PIKFYVE: variants seen among roughly 807,000 people sequenced by gnomAD.
PIKFYVE encodes the protein phosphoinositide kinase, FYVE-type zinc finger containing.
Under a neutral mutation model 257.9 loss-of-function variants are expected in PIKFYVE, and 122 were observed. The observed-to-expected ratio is 0.47, with a 90% CI of 0.41 to 0.55. The LOEUF (loss-of-function observed/expected upper bound fraction) is 0.55, where lower values mean the gene tolerates loss of function less well. Ranked by LOEUF, PIKFYVE falls within the 20% of genes least tolerant of loss-of-function variation. The pLI is 0.00. For synonymous variants in PIKFYVE, 892 were observed against 868.9 expected (o/e 1.03, Z -0.47); for missense variants, 2,160 against 2,536.6 (o/e 0.85, Z 3.19).
chr2:208,339,892 C>A, intron 30 of PIKFYVE, 119 bp from the exon 31 acceptor site: 1 of 1,189,338 alleles, frequency 8.4e-7, no homozygotes, highest in Non-Finnish European at 1.2e-6. Context: ...AAATTTTAAA[C>A]TGTTATTGGT....
chr2:208,326,549 C>T, intron 20 of PIKFYVE, 120 bp downstream of exon 20: 2 of 1,111,398 alleles, frequency 1.8e-6, no homozygotes, highest in East Asian at 2.5e-5. Flanking sequence ...TATTTCTTCT[C>T]CTATGCTATT....
chr2:208,332,019 T>A (rs1370166461), intron 23 of PIKFYVE, among the ~76,000 whole-genome samples: 1 of 152,208 alleles, frequency 6.6e-6, no homozygotes, highest in Non-Finnish European at 1.5e-5. Context: ...CTTCTGCTTT[T>A]TTATGCTAGA....
At chr2:208,354,484 A>G (rs1374965719) in intron 40 of PIKFYVE, 87 bp from the exon 41 acceptor site, 4 of 1,186,652 alleles carry the variant, frequency 3.4e-6, no homozygotes, top group South Asian at 1.2e-5. Context: ...ACTGTCATAG[A>G]AGTAGTAGTA....
intron 5 of PIKFYVE, among the ~76,000 whole-genome samples, chr2:208,281,480 C>G (rs1690802411): frequency 6.7e-6 from 1 of 149,696 alleles, no homozygotes; most frequent in Non-Finnish European, 1.5e-5. Flanking sequence ...TTGGAAAAAT[C>G]ATGTAGTTCT....
In PIKFYVE at chr2:208,302,308, C is replaced by A. The variant is rs151172579; in HGVS notation, c.1275C>A (p.His425Gln). The change falls in exon 10 of 42, where the codon CAC becomes CAA. Residue 425 changes from histidine to glutamine, a missense_variant. His to Gln is a conservative substitution (Grantham distance 24). Coordinates refer to ENST00000264380, the MANE Select transcript of PIKFYVE (RefSeq NM_015040.4). ...DGRWLDCVSH[H>Q]DQLFRDEYAL... ...GTTGGCTGGATTGTGTTAGTCATCA[C>A]GACCAGCTTTTCAGAGATGAGTATG... 1 of 1,614,108 alleles carries A rather than the reference C, an allele frequency of 6.2e-7. No individual in the cohort carries two copies. Among genetic ancestry groups the A allele is most frequent in the South Asian group, 1.1e-5 (1 of 91,092 alleles).
At chr2:208,304,138 C>T (rs200867116) in intron 10 of PIKFYVE, 33 bp from the exon 11 acceptor site, 32 of 1,611,854 alleles carry the variant, frequency 2.0e-5, no homozygotes, top group Middle Eastern at 1.7e-4. Context: ...CCATTGAAGG[C>T]CAATTGCTTG....
chr2:208,277,755 A>G (rs200392619), intron 5 of PIKFYVE, 47 bp downstream of exon 5: 10 of 1,588,364 alleles, frequency 6.3e-6, no homozygotes, highest in South Asian at 2.2e-5. Context: ...GGTCATAACT[A>G]TAAGACACTT....
intron 17 of PIKFYVE, among the ~76,000 whole-genome samples, chr2:208,322,862 C>G (rs1696438355): frequency 8.8e-6 from 1 of 113,872 alleles, no homozygotes; most frequent in African/African-American, 3.4e-5. Flanking sequence ...CACCCCATGA[C>G]AGGCCCCCGT....
chr2:208,315,243 G>A lies in PIKFYVE; in HGVS notation c.1877G>A (p.Ser626Asn), dbSNP rs566101387. ...GCACTACTCCAGCAGTTGCTCCATA[G>A]TGACTCACTGTCATCATCTTGGAGG... is the stretch of plus-strand genomic sequence containing the variant. The part of the protein sequence containing the change: ...MMALLQQLLH[S>N]DSLSSSWRDI... Residue 626 changes from serine (S) to asparagine (N), a missense_variant, in exon 15 of 42, where the codon AGT becomes AAT. This residue lies in a region of PIKFYVE where 346 missense variants were observed against 365.6 expected (regional missense o/e 0.95). Transcript: ENST00000264380. 8 of 1,614,104 alleles carry A rather than the reference G, an allele frequency of 5.0e-6. No homozygotes were observed. The Admixed American group carries it at 8.3e-5, about 17-fold the overall frequency.
intron 10 of PIKFYVE, among the ~76,000 whole-genome samples, chr2:208,303,627 G>T (rs887025807): frequency 6.6e-6 from 1 of 152,146 alleles, no homozygotes; most frequent in African/African-American, 2.4e-5. Context: ...AGAAGAGATT[G>T]CTTTTGCTGT....
At chr2:208,321,577 T>TC (rs1696224151) in intron 17 of PIKFYVE, among the ~76,000 whole-genome samples, 1 of 135,588 alleles carries the variant, frequency 7.4e-6, no homozygotes, top group African/African-American at 2.8e-5. Flanking sequence ...TTTCTTTTGT[T>TC]TTTTTTTTTT....
Position 208,271,552 on chromosome 2 carries a change from G to T in PIKFYVE, c.33G>T (p.Leu11=). 1 of 1,614,052 alleles carries T rather than the reference G, an allele frequency of 6.2e-7. No individual in the cohort carries two copies. Among genetic ancestry groups the T allele is most frequent in the Non-Finnish European group, 8.5e-7 (1 of 1,179,992 alleles). Residue 11 remains leucine (L), a synonymous_variant, in exon 2 of 42, where the codon CTG becomes CTT. Transcript: ENST00000264380. MATDDKTSPT[L]DSANDLPRSP... ...CAGATGATAAGACGTCCCCAACACT[G>T]GACTCTGCTAATGATTTGCCTCGAT... is the stretch of plus-strand genomic sequence containing the variant.
At chr2:208,278,521 G>GT (rs1690397449) in intron 5 of PIKFYVE, among the ~76,000 whole-genome samples, 1 of 151,968 alleles carries the variant, frequency 6.6e-6, no homozygotes, top group Non-Finnish European at 1.5e-5. Flanking sequence ...AGTGAGTATG[G>GT]TATCCAGTAG....
At chr2:208,309,313 A>G (rs1278270094) in intron 12 of PIKFYVE, among the ~76,000 whole-genome samples, 2 of 152,244 alleles carry the variant, frequency 1.3e-5, no homozygotes, top group East Asian at 3.8e-4. Flanking sequence ...TAAACATAAA[A>G]GAATAAGGCT....
At chr2:208,268,072 C>G (rs1574368466) in intron 1 of PIKFYVE, among the ~76,000 whole-genome samples, 1 of 152,168 alleles carries the variant, frequency 6.6e-6, no homozygotes, top group East Asian at 1.9e-4. Context: ...GATTACCACT[C>G]AGGAAAGAGT....
chr2:208,286,381 GTA>G (rs1691576953), intron 6 of PIKFYVE, among the ~76,000 whole-genome samples: 1 of 151,978 alleles, frequency 6.6e-6, no homozygotes, highest in South Asian at 2.1e-4. Flanking sequence ...CCTTCTGAAG[GTA>G]TATGTCATGT....
chr2:208,285,818 C>G lies in PIKFYVE; in HGVS notation c.706C>G (p.Leu236Val), dbSNP rs1691498112. ...TTCTATTGGGGAAGACTTGAATGCTCTTTCAGATTCTGCTTGCTCTGTGTC... is the reference window on the plus strand; with the variant it reads ...TTCTATTGGGGAAGACTTGAATGCTGTTTCAGATTCTGCTTGCTCTGTGTC... ...SNSIGEDLNA[L>V]SDSACSVSVL... Residue 236 changes from leucine to valine, a missense_variant, in exon 6 of 42, where the codon CTT becomes GTT. Around this residue, in one of 12 missense-constraint regions of PIKFYVE, gnomAD observed 187 missense variants for 185.6 expected, o/e 1.01. Coordinates refer to ENST00000264380, the MANE Select transcript of PIKFYVE (RefSeq NM_015040.4). 5.0e-6 allele frequency: 8 copies of G among 1,613,934 alleles called. No homozygotes were observed. In the South Asian group the frequency reaches 5.5e-5, roughly 11 times the overall value.
rs1474958134 is a variant in PIKFYVE, at chr2:208,306,731, A to C, written c.1636+1718A>C. 2.0e-5 allele frequency among the ~76,000 whole-genome samples: 3 copies of C among 151,988 alleles called. No homozygotes were observed. In the South Asian group the frequency reaches 6.2e-4, roughly 32 times the overall value. ...GGAAATTGACAGGAGAAGCACCTGCAGTTGACAAAAATATGACCCCTTTTG... is the reference window on the plus strand; with the variant it reads ...GGAAATTGACAGGAGAAGCACCTGCCGTTGACAAAAATATGACCCCTTTTG... On this transcript the variant is annotated intron_variant, in intron 12 of 41. Coordinates refer to ENST00000264380, the MANE Select transcript of PIKFYVE (RefSeq NM_015040.4).
Position 208,326,407 on chromosome 2 carries a change from G to A in PIKFYVE, c.3596G>A (p.Ser1199Asn). The part of the protein sequence containing the change: ...EGDEERGLIL[S>N]DAVWSTKVDC... Reference sequence around the variant, plus strand: ...GATGAAGAGAGAGGGCTTATTCTGAGTGATGCTGTGTGGTCAACAAAGGTG... The same window carrying A: ...GATGAAGAGAGAGGGCTTATTCTGAATGATGCTGTGTGGTCAACAAAGGTG... The change falls in exon 20 of 42, where the codon AGT (serine) becomes AAT (asparagine). Residue 1199 changes from serine to asparagine, a missense_variant. Around this residue, in one of 12 missense-constraint regions of PIKFYVE, gnomAD observed 522 missense variants for 514.6 expected, o/e 1.01. Coordinates refer to ENST00000264380, the MANE Select transcript of PIKFYVE (RefSeq NM_015040.4). The A allele has an allele frequency of 6.2e-7, 1 of 1,614,092 alleles. No homozygotes were observed. Among genetic ancestry groups the A allele is most frequent in the Non-Finnish European group, 8.5e-7 (1 of 1,179,966 alleles).
Sources: gnomAD v4.1 joint callset for allele counts (sites outside exome capture counted in the v4.1 genomes callset) on GRCh38, gnomAD v4.1.1 for gene constraint, gnomAD v4.1.1 regional missense constraint, MANE v1.5 for transcripts, NCBI Gene and HGNC (gene_info 2026-07-23, HGNC 2026-07-21) for gene names.